Variants in CDH13 observed in about 807,000 individuals in gnomAD.
The protein encoded by CDH13 is cadherin 13.
CDH13 carries 24 observed loss-of-function variants against 63.8 expected under a neutral mutation model. The ratio of observed to expected loss-of-function variants is 0.38; its 90% confidence interval spans 0.27 to 0.53. CDH13 has a LOEUF of 0.53. Ranked by LOEUF, CDH13 falls within the 20% of genes least tolerant of loss-of-function variation. The pLI is 0.85. For synonymous variants in CDH13, 503 were observed against 355.3 expected, an observed-to-expected ratio of 1.42 and a Z score of -4.67; for missense variants, 1,049 against 903.1, an observed-to-expected ratio of 1.16 and a Z score of -2.07.
At chr16:83,753,491 A>T (rs1488544758) in intron 11 of CDH13, among the ~76,000 whole-genome samples, 1 of 152,204 alleles carries the variant, frequency 6.6e-6, no homozygotes, top group Non-Finnish European at 1.5e-5. Flanking sequence ...GGCTGCAGTG[A>T]GCCAAGATCA....
chr16:82,808,373 T>C (rs1034379597), intron 1 of CDH13, among the ~76,000 whole-genome samples: 3 of 152,156 alleles, frequency 2.0e-5, no homozygotes, highest in South Asian at 2.1e-4. Flanking sequence ...GAATTACAGA[T>C]ATAATTTGTG....
intron 1 of CDH13, among the ~76,000 whole-genome samples, chr16:82,839,023 C>A (rs7206608): frequency 6.6e-6 from 1 of 152,100 alleles, no homozygotes; most frequent in African/African-American, 2.4e-5. Flanking sequence ...AATAGGTAAA[C>A]CAATGAGCAT....
intron 4 of CDH13, among the ~76,000 whole-genome samples, chr16:83,132,230 C>T (rs61292009): frequency 6.6e-6 from 1 of 151,998 alleles, no homozygotes; most frequent in African/African-American, 2.4e-5. Flanking sequence ...TCCATCACCC[C>T]TCTCCTGAAA....
chr16:83,500,342 C>T (rs1271871192), intron 7 of CDH13, among the ~76,000 whole-genome samples: 83 of 716 alleles, frequency 0.12, 39 homozygotes, highest in East Asian at 1. Context: ...CCTCCTCCTC[C>T]TCCTCCTCCT....
chr16:83,482,011 C>T (rs745953780), intron 6 of CDH13, among the ~76,000 whole-genome samples: 12 of 152,186 alleles, frequency 7.9e-5, no homozygotes, highest in Non-Finnish European at 1.8e-4. Context: ...TGCTGCATGT[C>T]AGCCCTGGGC....
At chr16:83,014,474 C>T (rs1475674391) in intron 2 of CDH13, among the ~76,000 whole-genome samples, 1 of 151,480 alleles carries the variant, frequency 6.6e-6, no homozygotes, top group Non-Finnish European at 1.5e-5. Flanking sequence ...TGGCTTATGC[C>T]TGTAATCTCA....
intron 1 of CDH13, chr16:82,723,107 C>T (rs1438005295): frequency 6.6e-6 from 1 of 152,242 alleles, no homozygotes; most frequent in Non-Finnish European, 1.5e-5. Context: ...AAATGGAGAA[C>T]AGGTGGACCT....
chr16:82,757,365 C>T (rs190768037), intron 1 of CDH13, among the ~76,000 whole-genome samples: 448 of 149,722 alleles, frequency 3.0e-3, no homozygotes, highest in Admixed American at 4.6e-3. Flanking sequence ...AGTCCAAAGG[C>T]CCTTGTCTTG....
At chr16:83,695,993 G>T (rs1156783742) in intron 10 of CDH13, among the ~76,000 whole-genome samples, 1 of 151,956 alleles carries the variant, frequency 6.6e-6, no homozygotes, top group African/African-American at 2.4e-5. Flanking sequence ...GGGCTCAAGG[G>T]ATCCTCCCAC....
chr16:83,713,803 C>T (rs886697711), intron 10 of CDH13, among the ~76,000 whole-genome samples: 5 of 152,184 alleles, frequency 3.3e-5, no homozygotes, highest in Non-Finnish European at 7.3e-5. Context: ...ATGCCAGTGA[C>T]GTCAGCCCTG....
intron 5 of CDH13, among the ~76,000 whole-genome samples, chr16:83,298,715 G>A (rs1025150526): frequency 3.9e-5 from 6 of 152,208 alleles, no homozygotes; most frequent in Admixed American, 3.3e-4. Context: ...AAAGGCCTAA[G>A]GTTGAGAGGC....
At chr16:82,800,047 C>T (rs751500757) in intron 1 of CDH13, among the ~76,000 whole-genome samples, 1 of 152,204 alleles carries the variant, frequency 6.6e-6, no homozygotes, top group Non-Finnish European at 1.5e-5. Flanking sequence ...TCTTTGTTAG[C>T]AGTTGTGGTT....
At chr16:83,661,690 A>C (rs1913457353) in intron 8 of CDH13, among the ~76,000 whole-genome samples, 1 of 152,178 alleles carries the variant, frequency 6.6e-6, no homozygotes, top group South Asian at 2.1e-4. Flanking sequence ...TGGTGTAGAC[A>C]GGGTCATGTA....
At chr16:82,826,644 G>A (rs2549151) in intron 1 of CDH13, 1 of 151,928 alleles carries the variant, frequency 6.6e-6, no homozygotes, top group South Asian at 2.1e-4. Flanking sequence ...AAAGGCGAAG[G>A]GCTCCAGTAA....
chr16:83,537,072 T>C (rs2075205815), intron 7 of CDH13, among the ~76,000 whole-genome samples: 1 of 152,236 alleles, frequency 6.6e-6, no homozygotes, highest in Non-Finnish European at 1.5e-5. Context: ...CTGTGGGGAT[T>C]CGAGCAACAA....
intron 6 of CDH13, among the ~76,000 whole-genome samples, chr16:83,429,395 G>T (rs959119560): frequency 1.3e-5 from 2 of 152,020 alleles, no homozygotes; most frequent in Non-Finnish European, 2.9e-5. Context: ...TTAAGGAAAG[G>T]GTTAGAACCT....
intron 6 of CDH13, among the ~76,000 whole-genome samples, chr16:83,379,845 AAT>A (rs2091524373): frequency 6.6e-6 from 1 of 151,188 alleles, no homozygotes; most frequent in Non-Finnish European, 1.5e-5. Context: ...ATATTATATA[AAT>A]ATATAACCCA....
chr16:83,219,439 C>G (rs1416111374), intron 5 of CDH13, among the ~76,000 whole-genome samples: 1 of 152,114 alleles, frequency 6.6e-6, no homozygotes, highest in African/African-American at 2.4e-5. Flanking sequence ...AATTGTCTGC[C>G]TCAACTTCTT....
At chr16:82,952,940 G>A (rs546411227) in intron 2 of CDH13, among the ~76,000 whole-genome samples, 56 of 152,280 alleles carry the variant, frequency 3.7e-4, no homozygotes, top group African/African-American at 1.3e-3. Context: ...GACGGAGCAG[G>A]GTATAGAAGG....
Sources: gnomAD v4.1 joint callset for allele counts (sites outside exome capture counted in the v4.1 genomes callset) on GRCh38, gnomAD v4.1.1 for gene constraint, MANE v1.5 for transcripts, NCBI Gene and HGNC (gene_info 2026-07-23, HGNC 2026-07-21) for gene names.